CAMK1D: variants seen among roughly 807,000 people sequenced by gnomAD.
CAMK1D encodes calcium/calmodulin dependent protein kinase ID.
Under a neutral mutation model 47.7 loss-of-function variants are expected in CAMK1D, and 9 were observed. The ratio of observed to expected loss-of-function variants is 0.19; its 90% CI spans 0.11 to 0.33. The LOEUF (loss-of-function observed/expected upper bound fraction) is 0.33, where lower values mean the gene tolerates loss of function less well. CAMK1D is among the 10% of genes least tolerant of loss of function. The pLI, the probability that CAMK1D is intolerant of heterozygous loss-of-function variation, is 1.00. For missense variants in CAMK1D, 291 were observed against 488.7 expected (o/e 0.60, Z 3.81); for synonymous variants, 184 against 184.9 (o/e 0.99, Z 0.04).
At chr10:12,739,115 T>C (rs1835308520) in intron 3 of CAMK1D, among the ~76,000 whole-genome samples, 1 of 151,982 alleles carries the variant, frequency 6.6e-6, no homozygotes, top group African/African-American at 2.4e-5. Flanking sequence ...TGTGTACTTG[T>C]GGTCTCAGCT....
At chr10:12,504,121 GTGTGTGTC>G in intron 1 of CAMK1D, among the ~76,000 whole-genome samples, 1 of 140,512 alleles carries the variant, frequency 7.1e-6, no homozygotes, top group Non-Finnish European at 1.5e-5. Flanking sequence ...GTGTGTGTGT[GTGTGTGTC>G]TGTGTGTGTG....
chr10:12,612,338 AC>A (rs1194303828), intron 2 of CAMK1D, among the ~76,000 whole-genome samples: 5 of 129,658 alleles, frequency 3.9e-5, no homozygotes, highest in Non-Finnish European at 8.0e-5. Context: ...TTAATTAATT[AC>A]TTTTTTTTTT....
chr10:12,491,620 A>G (rs141612141), intron 1 of CAMK1D, among the ~76,000 whole-genome samples: 4 of 152,190 alleles, frequency 2.6e-5, no homozygotes, highest in African/African-American at 7.2e-5. Context: ...TTCCTCACCT[A>G]TGAAGCGGTG....
intron 1 of CAMK1D, among the ~76,000 whole-genome samples, chr10:12,387,306 A>G (rs184632689): frequency 7.0e-6 from 1 of 143,264 alleles, no homozygotes; most frequent in Admixed American, 7.3e-5. Flanking sequence ...TATATGTATA[A>G]TATATAATGG....
intron 1 of CAMK1D, among the ~76,000 whole-genome samples, chr10:12,425,106 C>T (rs951724129): frequency 2.0e-5 from 3 of 152,084 alleles, no homozygotes; most frequent in African/African-American, 7.2e-5. Context: ...TTCATGTTCA[C>T]CTCCAGCCTT....
At chr10:12,592,072 T>G (rs1054360627) in intron 2 of CAMK1D, among the ~76,000 whole-genome samples, 9 of 152,228 alleles carry the variant, frequency 5.9e-5, no homozygotes, top group Admixed American at 5.2e-4. Flanking sequence ...ACGCCCCCGT[T>G]GATTGCTTGG....
chr10:12,784,467 G>A (rs1246954248), intron 5 of CAMK1D, among the ~76,000 whole-genome samples: 3 of 152,126 alleles, frequency 2.0e-5, no homozygotes, highest in South Asian at 2.1e-4. Context: ...CAAAGTGCTG[G>A]GATTACAGGC....
At chr10:12,567,344 C>T (rs1837156291) in intron 2 of CAMK1D, among the ~76,000 whole-genome samples, 1 of 152,156 alleles carries the variant, frequency 6.6e-6, no homozygotes, top group African/African-American at 2.4e-5. Context: ...GGCAGCTTTC[C>T]CACGTACCAT....
intron 2 of CAMK1D, among the ~76,000 whole-genome samples, chr10:12,558,868 G>A (rs1836848777): frequency 6.6e-6 from 1 of 152,124 alleles, no homozygotes; most frequent in South Asian, 2.1e-4. Context: ...AAGTGACCCT[G>A]GCAGGAACTG....
At chr10:12,508,685 A>G (rs756646204) in intron 1 of CAMK1D, among the ~76,000 whole-genome samples, 5 of 152,172 alleles carry the variant, frequency 3.3e-5, no homozygotes, top group Non-Finnish European at 4.4e-5. Context: ...TAAAAAAGCA[A>G]ACACATGGGT....
chr10:12,699,516 CAT>C (rs1316678165), intron 3 of CAMK1D, among the ~76,000 whole-genome samples: 2 of 151,992 alleles, frequency 1.3e-5, no homozygotes, highest in Admixed American at 1.3e-4. Context: ...TTTTGGCGCC[CAT>C]AGAGTGGAAA....
In CAMK1D at chr10:12,804,988, C is replaced by T. The variant is rs939899719; in HGVS notation, c.642-9207C>T. ...TACAAAAAAAATACTAGGCCGGGCG[C>T]GGTGGCTCACGCCTATAATCCCAGC... On this transcript the variant is annotated intron_variant, in intron 6 of 10. Coordinates refer to ENST00000619168, the MANE Select transcript of CAMK1D (RefSeq NM_153498.4). Among the ~76,000 whole-genome samples, 7 of 148,932 alleles carry T rather than the reference C, an allele frequency of 4.7e-5. No homozygotes were observed. The South Asian group carries it at 6.4e-4, about 14-fold the overall frequency.
intron 1 of CAMK1D, among the ~76,000 whole-genome samples, chr10:12,362,874 G>A (rs1234613580): frequency 6.6e-6 from 1 of 151,550 alleles, no homozygotes; most frequent in Admixed American, 6.6e-5. Context: ...TCAATCTCCT[G>A]ACCTTGTGAT....
intron 3 of CAMK1D, among the ~76,000 whole-genome samples, chr10:12,712,393 A>G (rs1321922391): frequency 6.6e-6 from 1 of 152,234 alleles, no homozygotes; most frequent in African/African-American, 2.4e-5. Context: ...CACAGGGTGA[A>G]GAAGGGTGTC....
chr10:12,442,797 A>G (rs1832819749), intron 1 of CAMK1D, among the ~76,000 whole-genome samples: 2 of 152,180 alleles, frequency 1.3e-5, no homozygotes, highest in Admixed American at 1.3e-4. Context: ...GCATTTTAGG[A>G]AAAGTGAAAA....
chr10:12,784,667 A>G (rs888041921), intron 5 of CAMK1D, among the ~76,000 whole-genome samples: 3 of 152,188 alleles, frequency 2.0e-5, no homozygotes, highest in South Asian at 4.2e-4. Context: ...GTACTTGCCA[A>G]TTGGCAGTTG....
chr10:12,584,110 T>C (rs1837744270), intron 2 of CAMK1D, among the ~76,000 whole-genome samples: 2 of 152,184 alleles, frequency 1.3e-5, no homozygotes, highest in African/African-American at 4.8e-5. Context: ...TTATCCCAGG[T>C]TCTGGTTAAT....
chr10:12,629,543 G>C (rs192594676), intron 2 of CAMK1D, among the ~76,000 whole-genome samples: 121 of 152,320 alleles, frequency 7.9e-4, no homozygotes, highest in East Asian at 5.8e-4. Flanking sequence ...AGAGGCCGTG[G>C]TGTGGCTGTG....
intron 3 of CAMK1D, among the ~76,000 whole-genome samples, chr10:12,707,575 G>A (rs1265134695): frequency 2.0e-5 from 3 of 152,240 alleles, no homozygotes; most frequent in Non-Finnish European, 4.4e-5. Flanking sequence ...TAGAGCAGAC[G>A]CAGAATGAGC....
Sources: gnomAD v4.1 joint callset for allele counts (sites outside exome capture counted in the v4.1 genomes callset) on GRCh38, gnomAD v4.1.1 for gene constraint, MANE v1.5 for transcripts, NCBI Gene and HGNC (gene_info 2026-07-23, HGNC 2026-07-21) for gene names.